Variants in SMARCA2 observed in about 807,000 individuals in gnomAD.
SMARCA2 encodes SWI/SNF related BAF chromatin remodeling complex subunit ATPase 2.
Under a neutral mutation model 199.8 loss-of-function variants are expected in SMARCA2, and 61 were observed. The ratio of observed to expected loss-of-function variants is 0.31; its 90% CI spans 0.25 to 0.38. SMARCA2 has a LOEUF of 0.38. Ranked by LOEUF, SMARCA2 falls within the 10% of genes least tolerant of loss-of-function variation. The pLI, the probability that SMARCA2 is intolerant of heterozygous loss-of-function variation, is 1.00. For missense variants in SMARCA2, 1,344 were observed against 2,012.2 expected (o/e 0.67, Z 6.35); for synonymous variants, 935 against 732.0 (o/e 1.28, Z -4.48).
Position 2,096,701 on chromosome 9 carries a change from T to C in SMARCA2, c.2928T>C (p.Ile976=), listed in dbSNP as rs759780647. 6.2e-7 allele frequency: 1 copy of C among 1,614,032 alleles called. No individual in the cohort carries two copies. The highest frequency in any genetic ancestry group is 1.1e-5 in the South Asian group (1 of 91,084). ...IKCDMSALQK[I]LYRHMQAKGI... is the part of the protein sequence containing the mutation. The stretch of plus-strand genomic sequence containing the variant: ...GTGACATGTCAGCTCTGCAGAAGAT[T>C]CTGTATCGCCATATGCAAGCCAAGG... The change falls in exon 20 of 34, where the codon ATT becomes ATC. Residue 976 remains isoleucine (I), a synonymous_variant. Transcript: ENST00000349721.
chr9:2,051,839 A>G (rs1259241313), intron 5 of SMARCA2, among the ~76,000 whole-genome samples: 1 of 152,122 alleles, frequency 6.6e-6, no homozygotes, highest in Non-Finnish European at 1.5e-5. Flanking sequence ...CCTTTAAATT[A>G]TATATTTCAA....
At chr9:2,065,240 C>T (rs1382053218) in intron 9 of SMARCA2, among the ~76,000 whole-genome samples, 1 of 152,136 alleles carries the variant, frequency 6.6e-6, no homozygotes, top group Non-Finnish European at 1.5e-5. Flanking sequence ...TTGACATCAG[C>T]CAAAACTAAA....
At chr9:2,174,580 G>C (rs1405222536) in intron 29 of SMARCA2, among the ~76,000 whole-genome samples, 1 of 152,080 alleles carries the variant, frequency 6.6e-6, no homozygotes, top group East Asian at 1.9e-4. Context: ...TTTTTAATTT[G>C]GTCGCAATTC....
chr9:2,098,069 T>C (rs571295728), intron 21 of SMARCA2, among the ~76,000 whole-genome samples: 1 of 152,354 alleles, frequency 6.6e-6, no homozygotes, highest in South Asian at 2.1e-4. Context: ...TCCATGTGAA[T>C]AAGTTTCCTA....
intron 27 of SMARCA2, among the ~76,000 whole-genome samples, chr9:2,135,311 G>A (rs1008722730): frequency 6.6e-6 from 1 of 152,272 alleles, no homozygotes; most frequent in African/African-American, 2.4e-5. Flanking sequence ...GTGGGTGAGG[G>A]TGAATCTTCT....
At chr9:2,032,718 AAAC>A (rs1274777695) in intron 2 of SMARCA2, 1 of 326,644 alleles carries the variant, frequency 3.1e-6, no homozygotes, top group African/African-American at 2.4e-5. Flanking sequence ...ATATTACAAA[AAAC>A]AAACAAACAA....
Position 2,186,959 on chromosome 9 carries a change from A to T in SMARCA2, c.4594+731A>T, listed in dbSNP as rs557860419. 5.3e-5 allele frequency among the ~76,000 whole-genome samples: 8 copies of T among 152,328 alleles called. No homozygotes were observed. The South Asian group carries it at 1.7e-3, about 32-fold the overall frequency. ...ACCTGGAGGGCTTGAAGAATATGCC[A>T]GTGTTTGATCCAGTAGCCTGTTGTG... On this transcript the variant is annotated intron_variant, in intron 32 of 33. Transcript: ENST00000349721.
intron 29 of SMARCA2, 140 bp from the exon 30 acceptor site, chr9:2,181,431 A>G (rs1290753445): frequency 1.6e-6 from 1 of 610,016 alleles, no homozygotes; most frequent in African/African-American, 1.9e-5. Flanking sequence ...GAGTTGTGGG[A>G]TTTTTCCTGA....
At chr9:2,127,427 A>G (rs1823743885) in intron 27 of SMARCA2, among the ~76,000 whole-genome samples, 1 of 152,164 alleles carries the variant, frequency 6.6e-6, no homozygotes, top group Non-Finnish European at 1.5e-5. Flanking sequence ...AAAAATAAAC[A>G]GAAGTTGATT....
intron 27 of SMARCA2, among the ~76,000 whole-genome samples, chr9:2,128,055 A>C (rs1348045108): frequency 6.6e-6 from 1 of 152,110 alleles, no homozygotes; most frequent in Non-Finnish European, 1.5e-5. Context: ...GTCTCAAGTT[A>C]ACGTCATCTT....
chr9:2,146,680 C>A (rs554381895), intron 27 of SMARCA2, among the ~76,000 whole-genome samples: 2 of 152,210 alleles, frequency 1.3e-5, no homozygotes, highest in East Asian at 3.9e-4. Flanking sequence ...TGCTGCTTGC[C>A]CATTTTTGTG....
intron 27 of SMARCA2, chr9:2,159,638 G>T: frequency 1.5e-6 from 1 of 657,654 alleles, no homozygotes; most frequent in Non-Finnish European, 2.4e-6. Context: ...AATATGATAA[G>T]TAGTTGTCAA....
rs1563823088 is a variant in SMARCA2, at chr9:2,170,486, T to C, written c.4253+14T>C. Reference sequence around the variant, plus strand: ...AGAAGGAAACAGGTCAGGATCTGTCTTGTATTCCCCTATCTCTAAATACAG... The same window carrying C: ...AGAAGGAAACAGGTCAGGATCTGTCCTGTATTCCCCTATCTCTAAATACAG... On this transcript the variant is annotated intron_variant, in intron 29 of 33. Transcript: ENST00000349721. The surrounding 1 kb of genome is among the most constrained non-coding windows in gnomAD (Gnocchi z 4.7). The C allele has an allele frequency of 3.1e-6, 5 of 1,614,108 alleles. No homozygotes were observed. The highest frequency in any genetic ancestry group is 4.2e-6 in the Non-Finnish European group (5 of 1,179,956).
chr9:2,084,026 G>A, intron 16 of SMARCA2, 60 bp from the exon 17 acceptor site: 1 of 894,178 alleles, frequency 1.1e-6, no homozygotes, highest in East Asian at 2.5e-5. Context: ...TATGAAAAGT[G>A]AGAAATAATG....
At chr9:2,113,610 C>T (rs1355467365) in intron 24 of SMARCA2, among the ~76,000 whole-genome samples, 2 of 152,200 alleles carry the variant, frequency 1.3e-5, no homozygotes, top group African/African-American at 4.8e-5. Flanking sequence ...GAAATATTAG[C>T]TTTTGTGACC....
intron 27 of SMARCA2, among the ~76,000 whole-genome samples, chr9:2,145,812 G>T (rs190432667): frequency 6.6e-6 from 1 of 152,094 alleles, no homozygotes; most frequent in Admixed American, 6.5e-5. Flanking sequence ...TGAGAAAAAC[G>T]AAGGCATTAT....
intron 10 of SMARCA2, 140 bp downstream of exon 10, chr9:2,070,611 A>C (rs151009247): frequency 9.9e-5 from 62 of 624,986 alleles, no homozygotes; most frequent in African/African-American, 8.5e-4. Flanking sequence ...TTAGCATAGT[A>C]GAAAATTAGA....
intron 1 of SMARCA2, among the ~76,000 whole-genome samples, chr9:2,019,616 A>T (rs1015447863): frequency 8.5e-5 from 13 of 152,200 alleles, no homozygotes; most frequent in African/African-American, 3.1e-4. Context: ...AGTATTTAAA[A>T]TTTTTTTCTT....
Position 2,070,447 on chromosome 9 carries a change from G to C in SMARCA2, c.1722G>C (p.Glu574Asp), listed in dbSNP as rs982787463. 6.2e-7 allele frequency: 1 copy of C among 1,613,808 alleles called. No individual in the cohort carries two copies. Among genetic ancestry groups the C allele is most frequent in the African/African-American group, 1.3e-5 (1 of 74,914 alleles). The change falls in exon 10 of 34, where the codon GAG becomes GAC. Residue 574 changes from glutamate to aspartate, a missense_variant. Glu to Asp is a conservative substitution (Grantham distance 45, BLOSUM62 2). Around this residue, in one of 18 missense-constraint regions of SMARCA2, gnomAD observed 68 missense variants for 70.4 expected, o/e 0.97. Transcript: ENST00000349721. The stretch of plus-strand genomic sequence containing the variant: ...CTGAGGAGAATGCAGAGGGTGGGGA[G>C]TCTGCCCTGGGACCGGATGGAGAGG... The part of the protein sequence containing the change: ...KKAEENAEGG[E>D]SALGPDGEPI...
Sources: gnomAD v4.1 joint callset for allele counts (sites outside exome capture counted in the v4.1 genomes callset) on GRCh38, gnomAD v4.1.1 for gene constraint, gnomAD v4.1.1 regional missense constraint, Gnocchi (gnomAD v3.1) non-coding constraint, MANE v1.5 for transcripts, NCBI Gene and HGNC (gene_info 2026-07-23, HGNC 2026-07-21) for gene names.